Variants in RASEF observed in about 807,000 individuals in gnomAD.
RASEF encodes RAS and EF-hand domain containing, also known as ras and EF-hand domain-containing protein.
Under a neutral mutation model 90.1 loss-of-function variants are expected in RASEF, and 68 were observed. The ratio of observed to expected loss-of-function variants is 0.75; its 90% CI spans 0.62 to 0.92. The LOEUF (loss-of-function observed/expected upper bound fraction) is 0.92, where lower values mean the gene tolerates loss of function less well. Among genes scored for constraint, RASEF ranks in the 40% least tolerant of loss-of-function variants. The pLI is 0.00. For synonymous variants in RASEF, 331 were observed against 345.2 expected (o/e 0.96, Z 0.46); for missense variants, 949 against 937.2 (o/e 1.01, Z -0.16).
At chr9:83,031,080 A>T (rs1306899914) in intron 1 of RASEF, among the ~76,000 whole-genome samples, 1 of 152,238 alleles carries the variant, frequency 6.6e-6, no homozygotes, top group Non-Finnish European at 1.5e-5. Context: ...TTGATCTGTC[A>T]GATACGTAAG....
At chr9:83,123,165 G>A in the RASEF span, among the ~76,000 whole-genome samples, 26 of 151,718 alleles carry the variant, frequency 1.7e-4, no homozygotes, top group African/African-American at 2.4e-4. Context: ...ACTTGAATCC[G>A]GGAGGCAGAG....
At chr9:83,073,778 A>G in the RASEF span, among the ~76,000 whole-genome samples, 5 of 152,380 alleles carry the variant, frequency 3.3e-5, no homozygotes, top group South Asian at 2.1e-4. Flanking sequence ...GTAGATTACA[A>G]TATGCCAATT....
chr9:83,010,961 C>G (rs1829232783), intron 5 of RASEF, among the ~76,000 whole-genome samples: 1 of 151,850 alleles, frequency 6.6e-6, no homozygotes, highest in Non-Finnish European at 1.5e-5. Context: ...AAAATGGTAC[C>G]TAGAAATAAT....
the RASEF span, among the ~76,000 whole-genome samples, chr9:83,098,054 A>C: frequency 6.6e-6 from 1 of 152,212 alleles, no homozygotes; most frequent in Non-Finnish European, 1.5e-5. Context: ...ACAAAGCTAC[A>C]GTCAAATCTA....
At chr9:83,152,754 A>AC in the RASEF span, among the ~76,000 whole-genome samples, 1 of 152,094 alleles carries the variant, frequency 6.6e-6, no homozygotes, top group Non-Finnish European at 1.5e-5. Context: ...ACACACACAC[A>AC]CACACTCAGG....
At chr9:83,102,778 G>A in the RASEF span, among the ~76,000 whole-genome samples, 10 of 152,166 alleles carry the variant, frequency 6.6e-5, no homozygotes, top group South Asian at 4.1e-4. Flanking sequence ...TTATTGTCTG[G>A]TACCCTGCCC....
At position 83,063,085 on chromosome 9, in the gene RASEF, C is replaced by T. The variant is rs1168108630; in HGVS notation, c.-218G>A. 3 of 503,136 alleles carry T rather than the reference C, an allele frequency of 6.0e-6. No homozygotes were observed. The highest frequency in any genetic ancestry group is 6.7e-6 in the Non-Finnish European group (2 of 299,328). 31.2% of individuals were successfully genotyped at this position (503,136 alleles called of 1,614,324 possible). A position where few individuals can be genotyped will look rare whatever the true frequency, so the allele number is the denominator to read the frequency against. ...GTTCGGGCCAGCCCCCAACAGGTCC[C>T]GGGAGCGGTGGGGTGCGCCCGGGCT... On this transcript the variant is annotated 5_prime_UTR_variant, in exon 1 of 17. Transcript: ENST00000376447.
chr9:82,989,382 GA>G (rs2118379951), intron 16 of RASEF, among the ~76,000 whole-genome samples: 1 of 152,140 alleles, frequency 6.6e-6, no homozygotes, highest in East Asian at 1.9e-4. Flanking sequence ...TGTCCATCAA[GA>G]ATCTGTTTCC....
At chr9:83,205,878 T>C in the RASEF span, among the ~76,000 whole-genome samples, 3 of 152,356 alleles carry the variant, frequency 2.0e-5, no homozygotes, top group East Asian at 1.9e-4. Flanking sequence ...ACACACCGTA[T>C]AGACATTTCC....
At chr9:83,203,775 A>T in the RASEF span, among the ~76,000 whole-genome samples, 1 of 152,178 alleles carries the variant, frequency 6.6e-6, no homozygotes, top group Non-Finnish European at 1.5e-5. Flanking sequence ...CAGGAGGAAC[A>T]GCAAATGCAA....
intron 13 of RASEF, among the ~76,000 whole-genome samples, chr9:82,997,975 G>A (rs1828952190): frequency 6.6e-6 from 1 of 152,178 alleles, no homozygotes; most frequent in African/African-American, 2.4e-5. Flanking sequence ...CTGCTATGCG[G>A]TTTGTGCCTC....
chr9:82,979,617 T>C lies in RASEF; in HGVS notation c.*3060A>G, dbSNP rs768893684. Reference sequence around the variant, plus strand: ...CAAAGGAAGCAAGCTTTATTGAATTTACAACGTAGAAAATATTTGTAGTTC... The same window carrying C: ...CAAAGGAAGCAAGCTTTATTGAATTCACAACGTAGAAAATATTTGTAGTTC... On this transcript the variant is annotated 3_prime_UTR_variant, in exon 17 of 17. Transcript: ENST00000376447. The C allele has an allele frequency of 5.3e-5, 8 of 152,344 alleles. No individual in the cohort carries two copies. The highest frequency in any genetic ancestry group is 1.0e-4 in the Non-Finnish European group (7 of 68,030). 9.4% of individuals were successfully genotyped at this position (152,344 alleles called of 1,614,324 possible).
chr9:83,013,155 G>A (rs936704929), intron 4 of RASEF, among the ~76,000 whole-genome samples: 4 of 151,976 alleles, frequency 2.6e-5, no homozygotes, highest in African/African-American at 4.8e-5. Flanking sequence ...CTACAAACTC[G>A]TTACAATTAC....
chr9:83,067,551 T>G (rs1390768525), upstream of RASEF, among the ~76,000 whole-genome samples: 1 of 152,240 alleles, frequency 6.6e-6, no homozygotes, highest in African/African-American at 2.4e-5. Flanking sequence ...ACTTCCCCTT[T>G]GACTGCATAT....
chr9:83,142,272 A>C, the RASEF span, among the ~76,000 whole-genome samples: 1 of 152,188 alleles, frequency 6.6e-6, no homozygotes, highest in Non-Finnish European at 1.5e-5. Flanking sequence ...CAAAGGAAGA[A>C]ATTTTTGGAG....
intron 15 of RASEF, among the ~76,000 whole-genome samples, chr9:82,992,272 A>G (rs1463654807): frequency 6.6e-6 from 1 of 152,194 alleles, no homozygotes; most frequent in Non-Finnish European, 1.5e-5. Context: ...AAGACAGGTC[A>G]TAACAGAGCT....
At chr9:83,010,097 G>A (rs886752033) in intron 5 of RASEF, among the ~76,000 whole-genome samples, 12 of 152,026 alleles carry the variant, frequency 7.9e-5, no homozygotes, top group Admixed American at 1.3e-4. Flanking sequence ...TTTAATGAGC[G>A]CTTTAAAATT....
At chr9:83,058,871 C>T (rs1030851852) in intron 1 of RASEF, among the ~76,000 whole-genome samples, 4 of 152,280 alleles carry the variant, frequency 2.6e-5, no homozygotes, top group South Asian at 2.1e-4. Flanking sequence ...CCTTCGACAT[C>T]GTGCATGTAG....
the RASEF span, among the ~76,000 whole-genome samples, chr9:83,192,837 C>T: frequency 6.6e-6 from 1 of 151,482 alleles, no homozygotes; most frequent in African/African-American, 2.4e-5. Flanking sequence ...TCTAGATTGA[C>T]TGAAACAGTG....
Sources: gnomAD v4.1 joint callset for allele counts (sites outside exome capture counted in the v4.1 genomes callset) on GRCh38, gnomAD v4.1.1 for gene constraint, MANE v1.5 for transcripts, NCBI Gene and HGNC (gene_info 2026-07-23, HGNC 2026-07-21) for gene names.